SLC9B1: variants seen among roughly 807,000 people sequenced by gnomAD.
SLC9B1 encodes sodium/hydrogen exchanger 9B1.
SLC9B1 carries 32 observed loss-of-function variants against 51.7 expected under a neutral mutation model. The ratio of observed to expected loss-of-function variants is 0.62; its 90% CI spans 0.47 to 0.83. SLC9B1 has a LOEUF of 0.83. Among genes scored for constraint, SLC9B1 ranks in the 40% least tolerant of loss-of-function variants. SLC9B1 has a pLI of 0.00. For synonymous variants in SLC9B1, 145 were observed against 212.7 expected (o/e 0.68, Z 2.77); for missense variants, 406 against 613.2 (o/e 0.66, Z 3.57).
At chr4:102,931,998 G>C in intron 7 of SLC9B1, 126 bp downstream of exon 7, 2 of 852,756 alleles carry the variant, frequency 2.3e-6, no homozygotes, top group Non-Finnish European at 3.7e-6. Context: ...TTTCTATGGA[G>C]ATTAAAAAGA....
chr4:102,926,272 A>C (rs1428348518), intron 7 of SLC9B1, among the ~76,000 whole-genome samples: 1 of 152,242 alleles, frequency 6.6e-6, no homozygotes, highest in African/African-American at 2.4e-5. Context: ...GAAAGAAATA[A>C]ATGGTATTCA....
At chr4:102,910,662 T>C (rs1735295839) in intron 8 of SLC9B1, 74 bp from the exon 9 acceptor site, 5 of 703,410 alleles carry the variant, frequency 7.1e-6, no homozygotes, top group African/African-American at 1.9e-5. Context: ...ATCTATTATA[T>C]ATTTTTGACC....
intron 1 of SLC9B1, among the ~76,000 whole-genome samples, chr4:102,995,400 G>A (rs1259826972): frequency 6.6e-6 from 1 of 152,090 alleles, no homozygotes. Context: ...GATGGACAAG[G>A]AGCAGGCAAA....
chr4:102,920,606 C>T (rs527519180), intron 7 of SLC9B1, among the ~76,000 whole-genome samples: 2 of 152,230 alleles, frequency 1.3e-5, no homozygotes, highest in South Asian at 4.1e-4. Context: ...TAATAACAAA[C>T]TTCTCCGAGC....
At chr4:103,003,799 C>T (rs541568473) in intron 1 of SLC9B1, among the ~76,000 whole-genome samples, 2 of 152,226 alleles carry the variant, frequency 1.3e-5, no homozygotes, top group Admixed American at 1.3e-4. Flanking sequence ...GTTTCAGCCC[C>T]CCAGAGCTAC....
chr4:103,008,775 G>T, intron 1 of SLC9B1, among the ~76,000 whole-genome samples: 1 of 148,008 alleles, frequency 6.8e-6, no homozygotes, highest in South Asian at 2.1e-4. Flanking sequence ...GATCTTAGAT[G>T]ATCTAAGGGC....
At chr4:102,969,536 A>G (rs187851281) in intron 3 of SLC9B1, among the ~76,000 whole-genome samples, 35 of 152,368 alleles carry the variant, frequency 2.3e-4, no homozygotes, top group Non-Finnish European at 4.3e-4. Flanking sequence ...GGGGGAAACA[A>G]GAGCAGACAA....
chr4:102,995,011 G>T (rs1271686986), intron 1 of SLC9B1, among the ~76,000 whole-genome samples: 1 of 152,122 alleles, frequency 6.6e-6, no homozygotes, highest in African/African-American at 2.4e-5. Context: ...GAGGTAATTG[G>T]TAAGAATAAG....
At chr4:102,983,987 T>C (rs1050355007) in intron 3 of SLC9B1, among the ~76,000 whole-genome samples, 1 of 152,134 alleles carries the variant, frequency 6.6e-6, no homozygotes, top group Non-Finnish European at 1.5e-5. Flanking sequence ...TCATTTTAGA[T>C]CTTTCTTTTT....
intron 11 of SLC9B1, chr4:102,889,169 A>C (rs940212392): frequency 6.6e-6 from 1 of 152,236 alleles, no homozygotes; most frequent in Non-Finnish European, 1.5e-5. Flanking sequence ...GTTTTTGAGA[A>C]GTTTTACAAG....
chr4:102,893,423 C>T (rs1734372083), intron 11 of SLC9B1, among the ~76,000 whole-genome samples: 1 of 151,384 alleles, frequency 6.6e-6, no homozygotes, highest in Non-Finnish European at 1.5e-5. Flanking sequence ...CAAAACTAAT[C>T]CAAGAAGAAA....
chr4:102,888,676 T>A (rs564576513), intron 11 of SLC9B1: 1 of 152,390 alleles, frequency 6.6e-6, no homozygotes, highest in Admixed American at 6.5e-5. Context: ...CACAGGCCTG[T>A]AGTCCCAACT....
chr4:102,917,142 G>A (rs575155022), intron 7 of SLC9B1, among the ~76,000 whole-genome samples: 5 of 152,256 alleles, frequency 3.3e-5, no homozygotes, highest in Admixed American at 3.3e-4. Context: ...TCAAACTCTA[G>A]GTTCTTTTGC....
At chr4:102,896,159 T>G (rs1307771362), downstream of SLC9B1, among the ~76,000 whole-genome samples, 2 of 152,112 alleles carry the variant, frequency 1.3e-5, no homozygotes, top group African/African-American at 4.8e-5. Flanking sequence ...GCCATGCTGC[T>G]GAGTGATATC....
chr4:102,911,487 G>C lies in SLC9B1; in HGVS notation c.880C>G (p.Leu294Val), dbSNP rs544724386. The C allele has an allele frequency of 6.3e-7, 1 of 1,596,960 alleles. No homozygotes were observed. The highest frequency in any genetic ancestry group is 1.1e-5 in the South Asian group (1 of 90,970). Residue 294 changes from leucine to valine, a missense_variant, in exon 8 of 12, where the codon CTG becomes GTG. Leu to Val is a conservative substitution (Grantham distance 32, BLOSUM62 1). This residue lies in a region of SLC9B1 where 250 missense variants were observed against 394.1 expected (regional missense o/e 0.63). Coordinates refer to ENST00000296422, the MANE Select transcript of SLC9B1 (RefSeq NM_139173.4). ...AATCCCAAAACAATTCCTGCCAGCA[G>C]ACTAATACATACGTTCCTTATAGAG... is the stretch of plus-strand genomic sequence containing the variant. Reference protein sequence around the residue: ...IASIRNVCISLLAGIVLGFFV... With the variant: ...IASIRNVCISVLAGIVLGFFV...
intron 6 of SLC9B1, among the ~76,000 whole-genome samples, chr4:102,938,849 T>C (rs1269133055): frequency 6.6e-6 from 1 of 152,024 alleles, no homozygotes; most frequent in African/African-American, 2.4e-5. Context: ...GATACAACAT[T>C]CTCGGCTCTC....
intron 11 of SLC9B1, chr4:102,885,367 A>C: frequency 1.2e-6 from 2 of 1,614,124 alleles, no homozygotes; most frequent in Non-Finnish European, 1.7e-6. Flanking sequence ...TAGTGAATGA[A>C]ATAAACATTG....
rs184857520 is a variant in SLC9B1, at chr4:103,013,997, T to C, written c.-2+5602A>G. Among the ~76,000 whole-genome samples, 828 of 152,316 alleles carry C rather than the reference T, an allele frequency of 5.4e-3. 8 individuals carry two copies. Among genetic ancestry groups the C allele is most frequent in the Admixed American group, 9.2e-3 (140 of 15,298 alleles). On this transcript the variant is annotated intron_variant, in intron 1 of 11. Coordinates refer to ENST00000296422, the MANE Select transcript of SLC9B1 (RefSeq NM_139173.4). ...GTAATTTTCACAATGCAGAACAATATTCTTAAATGTAAGCTTGATTATGGC... is the reference window on the plus strand; with the variant it reads ...GTAATTTTCACAATGCAGAACAATACTCTTAAATGTAAGCTTGATTATGGC...
intron 3 of SLC9B1, among the ~76,000 whole-genome samples, chr4:102,973,348 A>C (rs1738861764): frequency 6.6e-6 from 1 of 152,204 alleles, no homozygotes; most frequent in Non-Finnish European, 1.5e-5. Context: ...GAGGAATAAA[A>C]GTCATTATGT....
Sources: gnomAD v4.1 joint callset for allele counts (sites outside exome capture counted in the v4.1 genomes callset) on GRCh38, gnomAD v4.1.1 for gene constraint, gnomAD v4.1.1 regional missense constraint, MANE v1.5 for transcripts, NCBI Gene and HGNC (gene_info 2026-07-23, HGNC 2026-07-21) for gene names.